Variants in SLC25A21 observed in about 807,000 individuals in gnomAD.
SLC25A21 encodes mitochondrial 2-oxodicarboxylate carrier.
A neutral mutation model predicts 43.8 loss-of-function variants in SLC25A21; 47 were observed. That is an observed-to-expected ratio of 1.07 (90% CI 0.85 to 1.37). SLC25A21 has a LOEUF of 1.37. Among genes scored for constraint, SLC25A21 ranks in the 40% most tolerant of loss-of-function variants. The pLI is 0.00. For missense variants in SLC25A21, 352 were observed against 350.2 expected, an observed-to-expected ratio of 1.00 and a Z score of -0.04; for synonymous variants, 131 against 121.3, an observed-to-expected ratio of 1.08 and a Z score of -0.52.
intron 7 of SLC25A21, among the ~76,000 whole-genome samples, chr14:36,690,005 G>A (rs1306727869): frequency 6.6e-6 from 1 of 152,150 alleles, no homozygotes; most frequent in Non-Finnish European, 1.5e-5. Context: ...CTACACAACT[G>A]AAGGCAATGA....
At chr14:36,772,568 C>CA (rs1263837648) in intron 3 of SLC25A21, among the ~76,000 whole-genome samples, 1 of 151,878 alleles carries the variant, frequency 6.6e-6, no homozygotes, top group Non-Finnish European at 1.5e-5. Context: ...GAGCAGAGAA[C>CA]AAAAAAAATC....
chr14:37,041,131 GA>G (rs1296044971), intron 1 of SLC25A21, among the ~76,000 whole-genome samples: 2 of 152,106 alleles, frequency 1.3e-5, no homozygotes, highest in Non-Finnish European at 2.9e-5. Flanking sequence ...CCTTTGTGGG[GA>G]AAAAGATAGC....
chr14:36,919,138 A>G (rs1891909589), intron 1 of SLC25A21, among the ~76,000 whole-genome samples: 1 of 151,876 alleles, frequency 6.6e-6, no homozygotes, highest in Non-Finnish European at 1.5e-5. Flanking sequence ...AACCTCAAAT[A>G]CTACACTCCT....
At chr14:36,704,857 A>C (rs1419590739) in intron 7 of SLC25A21, among the ~76,000 whole-genome samples, 1 of 152,124 alleles carries the variant, frequency 6.6e-6, no homozygotes, top group Non-Finnish European at 1.5e-5. Context: ...CTTATCTGAA[A>C]ATGGCAGTTA....
At chr14:37,044,807 T>G (rs1214159242) in intron 1 of SLC25A21, among the ~76,000 whole-genome samples, 2 of 152,174 alleles carry the variant, frequency 1.3e-5, no homozygotes, top group African/African-American at 2.4e-5. Flanking sequence ...GATCTCCAAC[T>G]TTTTTGGTTT....
At chr14:36,727,660 C>T (rs1884655568) in intron 5 of SLC25A21, among the ~76,000 whole-genome samples, 1 of 151,814 alleles carries the variant, frequency 6.6e-6, no homozygotes, top group African/African-American at 2.4e-5. Flanking sequence ...TGCACTCCAG[C>T]CTGGGCGACA....
At chr14:36,941,752 A>C (rs1156881256) in intron 1 of SLC25A21, among the ~76,000 whole-genome samples, 3 of 152,016 alleles carry the variant, frequency 2.0e-5, no homozygotes, top group Non-Finnish European at 4.4e-5. Flanking sequence ...TTATCTCAAG[A>C]AGTAAATTAA....
chr14:36,711,766 C>T (rs1329501185), intron 6 of SLC25A21, among the ~76,000 whole-genome samples: 3 of 152,260 alleles, frequency 2.0e-5, no homozygotes, highest in South Asian at 4.2e-4. Context: ...TCACTTTCAA[C>T]ATGTAAGTAA....
At chr14:37,064,872 T>C (rs1023352162) in intron 1 of SLC25A21, among the ~76,000 whole-genome samples, 2 of 152,250 alleles carry the variant, frequency 1.3e-5, no homozygotes, top group Admixed American at 6.5e-5. Context: ...CAAAAGAGTA[T>C]AGAACATTGG....
intron 1 of SLC25A21, among the ~76,000 whole-genome samples, chr14:37,020,787 A>G (rs1245267095): frequency 6.6e-6 from 1 of 152,022 alleles, no homozygotes; most frequent in African/African-American, 2.4e-5. Context: ...TTTCAAAAAC[A>G]GATTTTTATT....
chr14:36,898,092 A>G (rs1891295158), intron 1 of SLC25A21, among the ~76,000 whole-genome samples: 2 of 152,130 alleles, frequency 1.3e-5, no homozygotes, highest in Non-Finnish European at 2.9e-5. Context: ...TCTGCAGAGG[A>G]TTCTGCTGCA....
chr14:36,975,941 T>C (rs1048216342), intron 1 of SLC25A21, among the ~76,000 whole-genome samples: 1 of 152,204 alleles, frequency 6.6e-6, no homozygotes, highest in Non-Finnish European at 1.5e-5. Context: ...GTGCTACTGT[T>C]GCGGGAGGCC....
At chr14:37,116,696 C>T (rs1963113482) in intron 1 of SLC25A21, among the ~76,000 whole-genome samples, 1 of 152,102 alleles carries the variant, frequency 6.6e-6, no homozygotes, top group South Asian at 2.1e-4. Flanking sequence ...AATATGCTTG[C>T]TGGCTTAGTT....
intron 3 of SLC25A21, among the ~76,000 whole-genome samples, chr14:36,780,605 G>T (rs1455184416): frequency 1.3e-5 from 2 of 151,958 alleles, no homozygotes; most frequent in Non-Finnish European, 2.9e-5. Context: ...TCAGGACTGT[G>T]TTAATTCCCA....
chr14:36,860,403 T>C (rs1322944191), intron 2 of SLC25A21, among the ~76,000 whole-genome samples: 3 of 152,188 alleles, frequency 2.0e-5, no homozygotes, highest in Non-Finnish European at 4.4e-5. Context: ...ATGCCCTCAG[T>C]TTCCAGGTTG....
At chr14:36,822,614 A>C (rs1393318556) in intron 2 of SLC25A21, among the ~76,000 whole-genome samples, 2 of 152,230 alleles carry the variant, frequency 1.3e-5, no homozygotes, top group Non-Finnish European at 2.9e-5. Flanking sequence ...TAATTACCAC[A>C]GATAAAGTAA....
chr14:37,120,980 G>C (rs1594803132), intron 1 of SLC25A21, among the ~76,000 whole-genome samples: 1 of 152,082 alleles, frequency 6.6e-6, no homozygotes, highest in East Asian at 1.9e-4. Flanking sequence ...TGCTAATTGA[G>C]GACAACCTGA....
At chr14:36,958,477 T>C (rs2138670627) in intron 1 of SLC25A21, among the ~76,000 whole-genome samples, 1 of 152,334 alleles carries the variant, frequency 6.6e-6, no homozygotes, top group South Asian at 2.1e-4. Context: ...ATCATGGTTC[T>C]TTACACAATG....
intron 1 of SLC25A21, among the ~76,000 whole-genome samples, chr14:37,079,444 A>T (rs1215829856): frequency 2.0e-5 from 3 of 152,086 alleles, no homozygotes. Context: ...TCATTTTATA[A>T]ATAACCAAGT....
Sources: allele counts gnomAD v4.1 joint callset (sites outside exome capture counted in the v4.1 genomes callset), GRCh38; gene constraint gnomAD v4.1.1; transcripts MANE v1.5; gene names NCBI Gene and HGNC (gene_info 2026-07-23, HGNC 2026-07-21).